MIPOL1: variants seen among roughly 807,000 people sequenced by gnomAD.
MIPOL1 encodes the protein mirror-image polydactyly 1, also known as mirror-image polydactyly gene 1 protein.
A neutral mutation model predicts 60.9 loss-of-function variants in MIPOL1; 57 were observed. The observed-to-expected ratio is 0.94, with a 90% CI of 0.76 to 1.17. The LOEUF (loss-of-function observed/expected upper bound fraction) is 1.17. Among genes scored for constraint, MIPOL1 ranks in the 50% most tolerant of loss-of-function variants. The probability of loss-of-function intolerance (pLI) is 0.00; values close to 1 mark genes in which losing one functional copy is unlikely to be tolerated. For synonymous variants in MIPOL1, 179 were observed against 168.8 expected, an observed-to-expected ratio of 1.06 and a Z score of -0.47; for missense variants, 551 against 511.6, an observed-to-expected ratio of 1.08 and a Z score of -0.74.
chr14:37,313,051 T>G lies in MIPOL1; in HGVS notation c.828+4532T>G, dbSNP rs866962201. Among the ~76,000 whole-genome samples, 8 of 152,244 alleles carry G rather than the reference T, an allele frequency of 5.3e-5. No homozygotes were observed. The South Asian group carries it at 1.2e-3, about 24-fold the overall frequency. On this transcript the variant is annotated intron_variant, in intron 9 of 12. Transcript: ENST00000684589. The stretch of plus-strand genomic sequence containing the variant: ...GTTCACCAAATTAAGGAATCTGATC[T>G]GTCACTAATTTTCACTTTAGTCAAA...
chr14:37,220,010 A>T (rs543675916), intron 1 of MIPOL1, among the ~76,000 whole-genome samples: 30 of 151,814 alleles, frequency 2.0e-4, no homozygotes, highest in Non-Finnish European at 4.3e-4. Context: ...TATTATCCTA[A>T]ATAAGACATC....
chr14:37,289,857 G>A (rs2084906075), intron 7 of MIPOL1, among the ~76,000 whole-genome samples: 1 of 152,124 alleles, frequency 6.6e-6, no homozygotes. Context: ...CATCCAGAAG[G>A]TATCTAAGGG....
chr14:37,271,572 CTGTTAA>C (rs1173381024), intron 6 of MIPOL1, among the ~76,000 whole-genome samples: 1 of 151,732 alleles, frequency 6.6e-6, no homozygotes, highest in Non-Finnish European at 1.5e-5. Flanking sequence ...AGTTGCTTTT[CTGTTAA>C]TGTTAAACTA....
intron 1 of MIPOL1, among the ~76,000 whole-genome samples, chr14:37,242,562 G>A (rs1171998744): frequency 3.9e-5 from 6 of 152,042 alleles, no homozygotes; most frequent in Non-Finnish European, 7.4e-5. Flanking sequence ...TTTCCATATG[G>A]TTGAGCCACA....
intron 11 of MIPOL1, among the ~76,000 whole-genome samples, chr14:37,465,527 AT>A (rs1484281048): frequency 6.6e-6 from 1 of 152,180 alleles, no homozygotes; most frequent in Non-Finnish European, 1.5e-5. Flanking sequence ...ATATTTGTTC[AT>A]TCTGAAAACT....
At chr14:37,313,413 C>T (rs1477265422) in intron 9 of MIPOL1, among the ~76,000 whole-genome samples, 1 of 152,104 alleles carries the variant, frequency 6.6e-6, no homozygotes, top group East Asian at 1.9e-4. Flanking sequence ...CAAGGCCTGG[C>T]ACCTGGAGGC....
At chr14:37,535,594 C>T (rs1470314932) in intron 12 of MIPOL1, among the ~76,000 whole-genome samples, 4 of 152,126 alleles carry the variant, frequency 2.6e-5, no homozygotes, top group Non-Finnish European at 5.9e-5. Flanking sequence ...ACATGAAACT[C>T]CCTATATTAT....
rs1595351823 is a variant in MIPOL1 at position 37,355,079 on chromosome 14, G to A, written c.829-14438G>A. On this transcript the variant is annotated intron_variant, in intron 9 of 12. Transcript: ENST00000684589. ...CTTTCCATGTTTAGCACTTCCTTCA[G>A]GAGCTCTTTTAGGGCAGGCCTGGTG... 2.0e-5 allele frequency among the ~76,000 whole-genome samples: 3 copies of A among 148,586 alleles called. No individual in the cohort carries two copies. In the East Asian group the frequency reaches 6.0e-4, roughly 29 times the overall value.
chr14:37,434,430 G>C (rs2094130042), intron 11 of MIPOL1: 1 of 151,846 alleles, frequency 6.6e-6, no homozygotes, highest in Non-Finnish European at 1.5e-5. Context: ...CTGGATATTA[G>C]CCCTTTGTTA....
In MIPOL1 at chr14:37,470,064, A is replaced by G. The variant is rs537730687; in HGVS notation, c.1032-29844A>G. 5.9e-5 allele frequency among the ~76,000 whole-genome samples: 9 copies of G among 152,314 alleles called. No individual in the cohort carries two copies. In the South Asian group the frequency reaches 1.9e-3, roughly 32 times the overall value. On this transcript the variant is annotated intron_variant, in intron 11 of 12. Coordinates refer to ENST00000684589, the MANE Select transcript of MIPOL1 (RefSeq NM_001388067.1). Reference sequence around the variant, plus strand: ...TTAAGGATGATGTATAGGTTTCTGCATGAACAACTGAGTAGATGGTGATGC... The same window carrying G: ...TTAAGGATGATGTATAGGTTTCTGCGTGAACAACTGAGTAGATGGTGATGC...
intron 12 of MIPOL1, chr14:37,502,586 A>C (rs1159197466): frequency 6.6e-6 from 1 of 152,260 alleles, no homozygotes; most frequent in Non-Finnish European, 1.5e-5. Context: ...ATCAGCAAAA[A>C]GCACATCCAC....
At chr14:37,541,739 T>G (rs937103561) in intron 12 of MIPOL1, among the ~76,000 whole-genome samples, 1 of 152,198 alleles carries the variant, frequency 6.6e-6, no homozygotes, top group African/African-American at 2.4e-5. Flanking sequence ...ACCTACAGAA[T>G]TATCCACAGA....
At chr14:37,253,968 G>T (rs1974512300) in intron 3 of MIPOL1, among the ~76,000 whole-genome samples, 1 of 151,678 alleles carries the variant, frequency 6.6e-6, no homozygotes, top group Non-Finnish European at 1.5e-5. Context: ...TGCCATTGGG[G>T]GTTAAAAGAA....
intron 7 of MIPOL1, among the ~76,000 whole-genome samples, chr14:37,306,543 T>C (rs982140764): frequency 2.0e-5 from 3 of 151,756 alleles, no homozygotes; most frequent in African/African-American, 7.3e-5. Context: ...TAGATCTTAC[T>C]TTGATTTTAG....
chr14:37,443,724 C>T (rs553887278), intron 11 of MIPOL1, among the ~76,000 whole-genome samples: 3 of 148,904 alleles, frequency 2.0e-5, no homozygotes, highest in South Asian at 4.2e-4. Context: ...AAAACTCAGG[C>T]CAAAGTCCTT....
intron 12 of MIPOL1, among the ~76,000 whole-genome samples, chr14:37,523,164 A>G (rs915167426): frequency 3.9e-5 from 6 of 152,178 alleles, no homozygotes; most frequent in Admixed American, 2.0e-4. Flanking sequence ...TTCATTACTC[A>G]TTAGAATTTG....
intron 9 of MIPOL1, among the ~76,000 whole-genome samples, chr14:37,363,923 C>A (rs1020163368): frequency 2.0e-5 from 3 of 152,206 alleles, no homozygotes; most frequent in Non-Finnish European, 2.9e-5. Flanking sequence ...GTTCCGTGGG[C>A]ATGTGACCCC....
intron 11 of MIPOL1, among the ~76,000 whole-genome samples, chr14:37,443,751 A>G (rs2094289069): frequency 6.9e-6 from 1 of 144,884 alleles, no homozygotes; most frequent in Non-Finnish European, 1.5e-5. Context: ...GATAGGCTCA[A>G]AAAAAAAAAA....
chr14:37,199,220 G>C (rs757980040), intron 1 of MIPOL1, among the ~76,000 whole-genome samples: 2 of 152,182 alleles, frequency 1.3e-5, no homozygotes, highest in African/African-American at 4.8e-5. Flanking sequence ...CCAGTATCTA[G>C]ATCAGGAAAG....
Sources: gnomAD v4.1 joint callset for allele counts (sites outside exome capture counted in the v4.1 genomes callset) on GRCh38, gnomAD v4.1.1 for gene constraint, MANE v1.5 for transcripts, NCBI Gene and HGNC (gene_info 2026-07-23, HGNC 2026-07-21) for gene names.